TDRD15: variants seen among roughly 807,000 people sequenced by gnomAD.
The protein encoded by TDRD15 is tudor domain-containing protein 15.
For missense variants in TDRD15, 1,416 were observed against 904.7 expected, an observed-to-expected ratio of 1.57 and a Z score of -7.25; for synonymous variants, 503 against 314.5, an observed-to-expected ratio of 1.60 and a Z score of -6.34.
chr2:21,126,379 T>C (rs1462835588), intron 1 of TDRD15, among the ~76,000 whole-genome samples: 2 of 151,728 alleles, frequency 1.3e-5, no homozygotes, highest in Non-Finnish European at 2.9e-5. Context: ...TTTTTTTTTT[T>C]CTTTGAGACG....
chr2:21,135,631 G>C lies in TDRD15; in HGVS notation c.-4+784G>C, dbSNP rs143727754. ...TTAACTCAAGCAATTTCTTCTTTAG[G>C]CAAAGTAGATGTAATGGTAGGTCTT... On this transcript the variant is annotated intron_variant, in intron 3 of 3. Transcript: ENST00000405799. 1.1e-3 allele frequency among the ~76,000 whole-genome samples: 166 copies of C among 151,940 alleles called. 1 individual carries two copies. Among genetic ancestry groups the C allele is most frequent in the African/African-American group, 3.9e-3 (162 of 41,438 alleles).
rs1558299222 is a variant in TDRD15 at position 21,139,041 on chromosome 2, A to G, written c.1574A>G (p.Asp525Gly). The change falls in exon 4 of 4, where the codon GAT (aspartate) becomes GGT (glycine). Residue 525 changes from aspartate to glycine, a missense_variant. Asp to Gly is a moderately conservative substitution (Grantham distance 94, BLOSUM62 -1). Transcript: ENST00000405799. Reference protein sequence around the residue: ...INKFYDLCENDEMILRKPEPG... With the variant: ...INKFYDLCENGEMILRKPEPG... Reference sequence around the variant, plus strand: ...AAATTTTATGATTTGTGTGAAAACGATGAAATGATTCTAAGAAAACCTGAA... The same window carrying G: ...AAATTTTATGATTTGTGTGAAAACGGTGAAATGATTCTAAGAAAACCTGAA... 2 of 714,580 alleles carry G rather than the reference A, an allele frequency of 2.8e-6. No homozygotes were observed. Among genetic ancestry groups the G allele is most frequent in the Non-Finnish European group, 5.2e-6 (2 of 383,866 alleles). The allele number at this position is 714,580 out of a possible 1,614,324, so 44.3% of individuals were successfully genotyped here. A position where few individuals can be genotyped will look rare whatever the true frequency, so the allele number is the denominator to read the frequency against.
chr2:21,130,212 C>G (rs1665689825), intron 2 of TDRD15, among the ~76,000 whole-genome samples: 1 of 152,162 alleles, frequency 6.6e-6, no homozygotes, highest in Non-Finnish European at 1.5e-5. Context: ...GAATTGACAG[C>G]TTTAGTTCTT....
intron 2 of TDRD15, among the ~76,000 whole-genome samples, chr2:21,133,686 A>G (rs944658302): frequency 6.6e-6 from 1 of 152,092 alleles, no homozygotes; most frequent in African/African-American, 2.4e-5. Context: ...TAATACAAGG[A>G]ACTATTATTT....
In TDRD15 at chr2:21,138,746, G is replaced by A. The variant is rs1462699235; in HGVS notation, c.1279G>A (p.Asp427Asn). 1 of 715,870 alleles carries A rather than the reference G, an allele frequency of 1.4e-6. No individual in the cohort carries two copies. Among genetic ancestry groups the A allele is most frequent in the South Asian group, 1.5e-5 (1 of 67,472 alleles). 44.3% of individuals were successfully genotyped at this position (715,870 alleles called of 1,614,324 possible). ...CACACAAGTACTTTGTCCGATGTCTGATTCAAAAATCTCCAATATCTTGAG... is the reference window on the plus strand; with the variant it reads ...CACACAAGTACTTTGTCCGATGTCTAATTCAAAAATCTCCAATATCTTGAG... ...VGTQVLCPMS[D>N]SKISNILSET... Residue 427 changes from aspartate to asparagine, a missense_variant, in exon 4 of 4, where the codon GAT (aspartate) becomes AAT (asparagine). Physicochemically the swap from Asp to Asn is conservative, Grantham distance 23. Coordinates refer to ENST00000405799, the MANE Select transcript of TDRD15 (RefSeq NM_001306137.2).
chr2:21,128,916 T>C (rs1029630981), intron 2 of TDRD15, among the ~76,000 whole-genome samples: 2 of 151,374 alleles, frequency 1.3e-5, no homozygotes, highest in East Asian at 3.9e-4. Context: ...GGAAAACAAG[T>C]GTTTTCTTTA....
chr2:21,131,690 C>A (rs1369474269), intron 2 of TDRD15, among the ~76,000 whole-genome samples: 1 of 152,156 alleles, frequency 6.6e-6, no homozygotes, highest in East Asian at 1.9e-4. Flanking sequence ...AACCATGTCA[C>A]TTTTCACTAA....
At position 21,142,101 on chromosome 2, in the gene TDRD15, A is replaced by G. The variant is rs1011989855; in HGVS notation, c.4634A>G (p.Lys1545Arg). 2.9e-6 allele frequency: 2 copies of G among 684,398 alleles called. No homozygotes were observed. Among genetic ancestry groups the G allele is most frequent in the African/African-American group, 3.6e-5 (2 of 54,948 alleles). The allele number at this position is 684,398 out of a possible 1,614,324, so 42.4% of individuals were successfully genotyped here. ...NVSKSGRFYVKLSKNKKILSD... is the reference protein window; with the variant it reads ...NVSKSGRFYVRLSKNKKILSD... Reference sequence around the variant, plus strand: ...TCAAAAAGTGGAAGATTTTATGTGAAGTTATCCAAAAATAAAAAAATTTTA... The same window carrying G: ...TCAAAAAGTGGAAGATTTTATGTGAGGTTATCCAAAAATAAAAAAATTTTA... Residue 1545 changes from lysine (K) to arginine (R), a missense_variant, in exon 4 of 4, where the codon AAG becomes AGG. Transcript: ENST00000405799.
rs564580171 is a variant in TDRD15 at position 21,143,011 on chromosome 2, T to C, written c.5544T>C (p.Cys1848=). The C allele has an allele frequency of 3.4e-5, 24 of 698,514 alleles. No homozygotes were observed. The highest frequency in any genetic ancestry group is 5.3e-5 in the Non-Finnish European group (20 of 379,194). 43.3% of individuals were successfully genotyped at this position (698,514 alleles called of 1,614,324 possible). A position where few individuals can be genotyped will look rare whatever the true frequency, so the allele number is the denominator to read the frequency against. The change falls in exon 4 of 4, where the codon TGT becomes TGC. Residue 1848 remains cysteine (C), a synonymous_variant. Transcript: ENST00000405799. ...LLNLPRLSYP[C]ILYGILPAKG... ...ATTTGCCAAGGCTGAGTTATCCATG[T>C]ATTTTATATGGTATCTTACCTGCTA...
At chr2:21,132,458 G>A (rs1269662413) in intron 2 of TDRD15, among the ~76,000 whole-genome samples, 1 of 152,120 alleles carries the variant, frequency 6.6e-6, no homozygotes, top group Non-Finnish European at 1.5e-5. Flanking sequence ...GATGACAGGG[G>A]AAGATAGTTT....
At chr2:21,145,280 G>C (rs1666013026), downstream of TDRD15, among the ~76,000 whole-genome samples, 1 of 152,040 alleles carries the variant, frequency 6.6e-6, no homozygotes, top group Non-Finnish European at 1.5e-5. Context: ...TTCTCTGACT[G>C]ATTTTGTTTG....
rs1470142172 is a variant in TDRD15 at position 21,140,904 on chromosome 2, A to G, written c.3437A>G (p.His1146Arg). The change falls in exon 4 of 4, where the codon CAT becomes CGT. Residue 1146 changes from histidine to arginine, a missense_variant. Coordinates refer to ENST00000405799, the MANE Select transcript of TDRD15 (RefSeq NM_001306137.2). Reference protein sequence around the residue: ...KVLLHAYGKRHCDQACCMEKS... With the variant: ...KVLLHAYGKRRCDQACCMEKS... ...TTGCTTCATGCTTATGGAAAAAGAC[A>G]TTGTGACCAAGCATGCTGCATGGAA... The G allele has an allele frequency of 1.4e-6, 1 of 708,302 alleles. No homozygotes were observed. Among genetic ancestry groups the G allele is most frequent in the Non-Finnish European group, 2.6e-6 (1 of 381,932 alleles). The allele number at this position is 708,302 out of a possible 1,614,324, so 43.9% of individuals were successfully genotyped here. A position where few individuals can be genotyped will look rare whatever the true frequency, so the allele number is the denominator to read the frequency against.
chr2:21,126,986 C>T (rs993253200), intron 1 of TDRD15, among the ~76,000 whole-genome samples: 1 of 152,124 alleles, frequency 6.6e-6, no homozygotes, highest in African/African-American at 2.4e-5. Context: ...GTGTTTGGTA[C>T]GGTTGCCCTT....
In TDRD15 at chr2:21,141,055, C is replaced by A; in HGVS notation, c.3588C>A (p.Asp1196Glu). The A allele has an allele frequency of 1.4e-6, 1 of 706,406 alleles. No homozygotes were observed. The highest frequency in any genetic ancestry group is 2.6e-6 in the Non-Finnish European group (1 of 381,628). 43.8% of individuals were successfully genotyped at this position (706,406 alleles called of 1,614,324 possible). The change falls in exon 4 of 4, where the codon GAC (aspartate) becomes GAA (glutamate). Residue 1196 changes from aspartate (D) to glutamate (E), a missense_variant. Physicochemically the swap from Asp to Glu is conservative, Grantham distance 45 (BLOSUM62 2). Coordinates refer to ENST00000405799, the MANE Select transcript of TDRD15 (RefSeq NM_001306137.2). Reference protein sequence around the residue: ...SPVTYSERKIDQLMHPKNIHA... With the variant: ...SPVTYSERKIEQLMHPKNIHA... ...TAACATATTCCGAAAGAAAAATAGA[C>A]CAATTGATGCATCCCAAAAATATAC...
intron 2 of TDRD15, among the ~76,000 whole-genome samples, chr2:21,134,086 A>G (rs904511979): frequency 6.6e-6 from 1 of 151,890 alleles, no homozygotes; most frequent in Non-Finnish European, 1.5e-5. Context: ...GTTTGATGTT[A>G]ATTTATAGAA....
rs980132211 is a variant in TDRD15, at chr2:21,135,424, G to T, written c.-4+577G>T. Among the ~76,000 whole-genome samples the T allele has an allele frequency of 8.6e-5, 13 of 151,390 alleles. No homozygotes were observed. In the South Asian group the frequency reaches 1.9e-3, roughly 22 times the overall value. On this transcript the variant is annotated intron_variant, in intron 3 of 3. Transcript: ENST00000405799. ...ACCTGATGAAGAATTTTTTTTCATT[G>T]TGGGGCCCTCTGGTGAGTATCACAT...
In TDRD15 at chr2:21,140,983, A is replaced by G; in HGVS notation, c.3516A>G (p.Lys1172=). Residue 1172 remains lysine (K), a synonymous_variant, in exon 4 of 4, where the codon AAA becomes AAG. Coordinates refer to ENST00000405799, the MANE Select transcript of TDRD15 (RefSeq NM_001306137.2). ...GATTTACTACTTCTTTGAAAGGCAA[A>G]ACAGGAAACAACTATCGCCATAATG... is the stretch of plus-strand genomic sequence containing the variant. ...NKRFTTSLKG[K]TGNNYRHNVI... 1 of 714,184 alleles carries G rather than the reference A, an allele frequency of 1.4e-6. No homozygotes were observed. The allele number at this position is 714,184 out of a possible 1,614,324, so 44.2% of individuals were successfully genotyped here.
chr2:21,133,081 T>TA (rs1205212020), intron 2 of TDRD15, among the ~76,000 whole-genome samples: 4 of 151,900 alleles, frequency 2.6e-5, no homozygotes, highest in Admixed American at 6.6e-5. Context: ...TAAAGAATGT[T>TA]AAAAAAAATG....
At chr2:21,128,810 T>C (rs1665651292) in intron 2 of TDRD15, among the ~76,000 whole-genome samples, 1 of 151,988 alleles carries the variant, frequency 6.6e-6, no homozygotes, top group African/African-American at 2.4e-5. Context: ...TTTTTTTTTT[T>C]CTTCACTGTC....
Sources: allele counts gnomAD v4.1 joint callset (sites outside exome capture counted in the v4.1 genomes callset), GRCh38; gene constraint gnomAD v4.1.1; transcripts MANE v1.5; gene names NCBI Gene and HGNC (gene_info 2026-07-23, HGNC 2026-07-21).